Variants in SYN3 observed in about 807,000 individuals in gnomAD.
SYN3 encodes the protein synapsin-3.
Under a neutral mutation model 65.8 loss-of-function variants are expected in SYN3, and 35 were observed. The ratio of observed to expected loss-of-function variants is 0.53; its 90% confidence interval spans 0.41 to 0.70. The LOEUF is 0.70. SYN3 is among the 30% of genes least tolerant of loss of function. The probability of loss-of-function intolerance (pLI) is 0.00; values close to 1 mark genes in which losing one functional copy is unlikely to be tolerated. For missense variants in SYN3, 680 were observed against 749.0 expected (o/e 0.91, Z 1.08); for synonymous variants, 270 against 292.9 (o/e 0.92, Z 0.80).
chr22:32,913,878 C>T lies in SYN3; in HGVS notation c.461+17512G>A, dbSNP rs374225412. Among the ~76,000 whole-genome samples, 569 of 152,314 alleles carry T rather than the reference C, an allele frequency of 3.7e-3. 2 individuals carry two copies. The highest frequency in any genetic ancestry group is 6.4e-3 in the Non-Finnish European group (438 of 68,026). Reference sequence around the variant, plus strand: ...AAATAAAAATAGCAAAAGTCTCACTCTTTAACGGGAGAGGCAAAACAAGCG... The same window carrying T: ...AAATAAAAATAGCAAAAGTCTCACTTTTTAACGGGAGAGGCAAAACAAGCG... On this transcript the variant is annotated intron_variant, in intron 4 of 13. Transcript: ENST00000358763.
rs202213722 is a variant in SYN3 at position 32,586,092 on chromosome 22, GTATA to G, written c.774+10578_774+10581del. Among the ~76,000 whole-genome samples, 5 of 149,120 alleles carry G rather than the reference GTATA, an allele frequency of 3.4e-5. No individual in the cohort carries two copies. The South Asian group carries it at 1.1e-3, about 32-fold the overall frequency. ...TGTATACATGTATACATGTATATAT[GTATA>G]TATGTATACATGTATATGTATATAT... On this transcript the variant is annotated intron_variant, in intron 7 of 13. Coordinates refer to ENST00000358763, the MANE Select transcript of SYN3 (RefSeq NM_003490.4).
chr22:33,027,905 T>C lies in SYN3; in HGVS notation c.-162-21081A>G, dbSNP rs554473645. Among the ~76,000 whole-genome samples the C allele has an allele frequency of 3.9e-5, 6 of 152,332 alleles. No individual in the cohort carries two copies. In the South Asian group the frequency reaches 1.2e-3, roughly 32 times the overall value. On this transcript the variant is annotated intron_variant, in intron 1 of 13. Coordinates refer to ENST00000358763, the MANE Select transcript of SYN3 (RefSeq NM_003490.4). ...AAAGAGAGGTGAGTTTTATTGAACG[T>C]TGGTTCATTTCATCCTCATAACAAC...
chr22:32,664,907 C>G (rs2060268235), intron 6 of SYN3, among the ~76,000 whole-genome samples: 1 of 151,740 alleles, frequency 6.6e-6, no homozygotes, highest in South Asian at 2.1e-4. Context: ...CCACTGCACC[C>G]AGCCTAATTT....
chr22:32,838,119 G>A (rs925648897), intron 6 of SYN3, among the ~76,000 whole-genome samples: 1 of 152,170 alleles, frequency 6.6e-6, no homozygotes, highest in Non-Finnish European at 1.5e-5. Context: ...GCTTCTTAAA[G>A]GTAGGAACCT....
At chr22:32,921,280 C>A (rs2050328485) in intron 4 of SYN3, among the ~76,000 whole-genome samples, 1 of 152,094 alleles carries the variant, frequency 6.6e-6, no homozygotes, top group South Asian at 2.1e-4. Flanking sequence ...CTCATGTCAT[C>A]CTTACAAAAA....
chr22:33,018,269 C>T (rs1409897441), intron 1 of SYN3, among the ~76,000 whole-genome samples: 2 of 152,152 alleles, frequency 1.3e-5, no homozygotes, highest in Admixed American at 6.5e-5. Flanking sequence ...TAGGACAGGA[C>T]ACAGGATATC....
chr22:32,566,179 C>T (rs572914468), intron 7 of SYN3, among the ~76,000 whole-genome samples: 1 of 152,226 alleles, frequency 6.6e-6, no homozygotes, highest in African/African-American at 2.4e-5. Flanking sequence ...AAAAAGTTCT[C>T]ATTTCAATGT....
chr22:32,658,562 T>C (rs1447505742), intron 6 of SYN3, among the ~76,000 whole-genome samples: 1 of 152,244 alleles, frequency 6.6e-6, no homozygotes, highest in Non-Finnish European at 1.5e-5. Context: ...TTACACAGGC[T>C]ACAGGATGAC....
At chr22:32,881,619 G>A (rs370189321) in intron 4 of SYN3, among the ~76,000 whole-genome samples, 3 of 152,306 alleles carry the variant, frequency 2.0e-5, no homozygotes, top group East Asian at 3.9e-4. Flanking sequence ...GCCACTTCTC[G>A]CTGGTTCCCT....
At chr22:32,756,518 T>C (rs908014666) in intron 6 of SYN3, among the ~76,000 whole-genome samples, 6 of 152,222 alleles carry the variant, frequency 3.9e-5, no homozygotes, top group East Asian at 1.9e-4. Flanking sequence ...CCGACTGATA[T>C]AGTTTGGATG....
rs886057432 is a variant in SYN3, at chr22:32,801,897, G to C, written c.711+63018C>G. 1.6e-5 allele frequency: 22 copies of C among 1,364,230 alleles called. No homozygotes were observed. The highest frequency in any genetic ancestry group is 2.1e-5 in the Non-Finnish European group (22 of 1,064,784). The allele number at this position is 1,364,230 out of a possible 1,614,324, so 84.5% of individuals were successfully genotyped here. On this transcript the variant is annotated intron_variant, in intron 6 of 13. Coordinates refer to ENST00000358763, the MANE Select transcript of SYN3 (RefSeq NM_003490.4). This position sits in a 1 kb window ranked among gnomAD's most constrained non-coding sequence, Gnocchi z 4.7. ...GCCGGAGGCCAAGGTTGCCCCGCACGGCCCGGCGGGCGAGCGAGCTCGGGC... is the reference window on the plus strand; with the variant it reads ...GCCGGAGGCCAAGGTTGCCCCGCACCGCCCGGCGGGCGAGCGAGCTCGGGC...
At chr22:32,645,592 T>C (rs1043804704) in intron 6 of SYN3, among the ~76,000 whole-genome samples, 1 of 152,258 alleles carries the variant, frequency 6.6e-6, no homozygotes, top group Non-Finnish European at 1.5e-5. Context: ...ATGATATTTC[T>C]GAAACGTTAA....
At chr22:32,980,266 T>C (rs2052332909) in intron 3 of SYN3, among the ~76,000 whole-genome samples, 1 of 152,182 alleles carries the variant, frequency 6.6e-6, no homozygotes, top group South Asian at 2.1e-4. Context: ...CCCTTCATTA[T>C]GTTCCTAAAC....
At chr22:32,627,034 A>C (rs986691095) in intron 6 of SYN3, among the ~76,000 whole-genome samples, 4 of 152,132 alleles carry the variant, frequency 2.6e-5, no homozygotes, top group African/African-American at 7.2e-5. Context: ...ACAGAGTCTC[A>C]GTTCCCATGG....
intron 7 of SYN3, among the ~76,000 whole-genome samples, chr22:32,549,902 G>T (rs1359230022): frequency 8.8e-6 from 1 of 113,648 alleles, no homozygotes; most frequent in Non-Finnish European, 1.9e-5. Flanking sequence ...AAAAAAAAAT[G>T]CAATGAAGGA....
At chr22:32,803,330 G>A (rs1400339424) in intron 6 of SYN3, among the ~76,000 whole-genome samples, 2 of 152,210 alleles carry the variant, frequency 1.3e-5, no homozygotes, top group South Asian at 2.1e-4. Flanking sequence ...TTGTGGTGAG[G>A]AGGGGGAGGA....
intron 6 of SYN3, among the ~76,000 whole-genome samples, chr22:32,698,151 A>G (rs2060763455): frequency 1.3e-5 from 2 of 152,138 alleles, no homozygotes; most frequent in African/African-American, 4.8e-5. Context: ...TAGATAACTG[A>G]TACACCCTGC....
At chr22:32,982,804 T>C (rs2052409086) in intron 2 of SYN3, among the ~76,000 whole-genome samples, 1 of 152,208 alleles carries the variant, frequency 6.6e-6, no homozygotes, top group South Asian at 2.1e-4. Flanking sequence ...ACTCTTGTGC[T>C]AGAAACTCTG....
chr22:32,612,627 A>T (rs1164346436), intron 6 of SYN3, among the ~76,000 whole-genome samples: 3 of 152,210 alleles, frequency 2.0e-5, no homozygotes, highest in African/African-American at 7.2e-5. Context: ...GGATCGCTTA[A>T]GGCCAAAAGT....
Sources: allele counts gnomAD v4.1 joint callset (sites outside exome capture counted in the v4.1 genomes callset), GRCh38; gene constraint gnomAD v4.1.1; non-coding constraint Gnocchi (gnomAD v3.1); transcripts MANE v1.5; gene names NCBI Gene and HGNC (gene_info 2026-07-23, HGNC 2026-07-21).